DGKZ: variants seen among roughly 807,000 people sequenced by gnomAD.
The protein encoded by DGKZ is DAG kinase zeta.
Under a neutral mutation model 142.5 loss-of-function variants are expected in DGKZ, and 45 were observed. The ratio of observed to expected loss-of-function variants is 0.32; its 90% CI spans 0.25 to 0.40. The LOEUF (loss-of-function observed/expected upper bound fraction) is 0.40, where lower values mean the gene tolerates loss of function less well. DGKZ is among the 10% of genes least tolerant of loss of function. DGKZ has a pLI of 1.00. For synonymous variants in DGKZ, 442 were observed against 527.0 expected, an observed-to-expected ratio of 0.84 and a Z score of 2.21; for missense variants, 755 against 1,306.5, an observed-to-expected ratio of 0.58 and a Z score of 6.51.
At chr11:46,373,467 GTTTTCTTTTTT>G (rs1422257605) in intron 14 of DGKZ, among the ~76,000 whole-genome samples, 1 of 134,726 alleles carries the variant, frequency 7.4e-6, no homozygotes, top group Non-Finnish European at 1.6e-5. Context: ...TTGTTTTTCT[GTTTTCTTTTTT>G]TTTTCTTGTT....
downstream of DGKZ, chr11:46,380,349 C>CA (rs546836484): frequency 9.1e-4 from 148 of 162,178 alleles, 1 homozygote; most frequent in African/African-American, 3.3e-3. Flanking sequence ...GCTCCTGCCC[C>CA]ACCCCACCTC....
intron 1 of DGKZ, among the ~76,000 whole-genome samples, chr11:46,339,547 G>A (rs1940176664): frequency 6.6e-6 from 1 of 152,240 alleles, no homozygotes; most frequent in South Asian, 2.1e-4. Context: ...AGAGGCCAAC[G>A]TGCAGGGATC....
At chr11:46,338,450 C>T (rs571004546) in intron 1 of DGKZ, 2 of 142,698 alleles carry the variant, frequency 1.4e-5, no homozygotes, top group East Asian at 4.1e-4. Context: ...AAGCCAACAT[C>T]GCGCCACTGC....
chr11:46,360,417 T>C (rs1453663062), intron 1 of DGKZ, among the ~76,000 whole-genome samples: 1 of 150,614 alleles, frequency 6.6e-6, no homozygotes, highest in Non-Finnish European at 1.5e-5. Flanking sequence ...TTCAAGTTGC[T>C]GAACACATGG....
chr11:46,361,534 G>A (rs1942651098), intron 1 of DGKZ: 2 of 696,688 alleles, frequency 2.9e-6, no homozygotes, highest in African/African-American at 1.9e-5. Flanking sequence ...TTTCATAACG[G>A]CTGTCTCAGG....
At chr11:46,369,782 T>A in intron 5 of DGKZ, 159 bp from the exon 6 acceptor site, 1 of 911,116 alleles carries the variant, frequency 1.1e-6, no homozygotes, top group Non-Finnish European at 1.7e-6. Flanking sequence ...AGTCTGAGCC[T>A]CCCCCAGGCC....
At chr11:46,368,304 G>A (rs1943557519) in intron 4 of DGKZ, 1 of 616,862 alleles carries the variant, frequency 1.6e-6, no homozygotes, top group Non-Finnish European at 3.0e-6. Context: ...CGCCTAGTGG[G>A]TTCGTTGAAT....
At chr11:46,356,315 C>T (rs961023554) in intron 1 of DGKZ, among the ~76,000 whole-genome samples, 8 of 152,134 alleles carry the variant, frequency 5.3e-5, no homozygotes, top group East Asian at 1.9e-4. Flanking sequence ...AGGAAGTTCT[C>T]GGGAGCTGGC....
chr11:46,378,907 T>A, intron 27 of DGKZ, 84 bp from the exon 28 acceptor site: 1 of 1,485,154 alleles, frequency 6.7e-7, no homozygotes, highest in African/African-American at 1.4e-5. Flanking sequence ...TGTGCTGGTG[T>A]ACCCGGCTGT....
intron 1 of DGKZ, chr11:46,364,553 T>C (rs1374644373): frequency 1.0e-6 from 1 of 985,380 alleles, no homozygotes; most frequent in African/African-American, 1.7e-5. Flanking sequence ...GAAACTCCAA[T>C]AGGCAGAGAC....
upstream of DGKZ, among the ~76,000 whole-genome samples, chr11:46,344,137 A>G (rs1242404594): frequency 1.3e-5 from 2 of 152,074 alleles, no homozygotes; most frequent in Non-Finnish European, 2.9e-5. Flanking sequence ...TTTAGTAGAC[A>G]GGGGGTTTCA....
chr11:46,374,976 C>T (rs1266205930), exon 19 of DGKZ: 2 of 1,612,692 alleles, frequency 1.2e-6, no homozygotes, highest in Admixed American at 1.7e-5. Flanking sequence ...CTGGGGAGCA[C>T]CACGACTTTG....
intron 1 of DGKZ, among the ~76,000 whole-genome samples, chr11:46,354,353 A>G (rs987243806): frequency 6.6e-6 from 1 of 151,848 alleles, no homozygotes; most frequent in Non-Finnish European, 1.5e-5. Context: ...TACCGGGCTC[A>G]TTTTTTCTTT....
intron 1 of DGKZ, chr11:46,361,671 C>A (rs967770474): frequency 1.0e-6 from 1 of 985,450 alleles, no homozygotes; most frequent in African/African-American, 1.7e-5. Context: ...GCCTTGGGGA[C>A]CCCAGCTCCC....
At chr11:46,344,821 T>C (rs1242469023), upstream of DGKZ, among the ~76,000 whole-genome samples, 1 of 152,132 alleles carries the variant, frequency 6.6e-6, no homozygotes, top group Non-Finnish European at 1.5e-5. Context: ...TATTCATTAG[T>C]TTATTTGTTT....
At chr11:46,341,553 A>T (rs1940275564) in intron 1 of DGKZ, among the ~76,000 whole-genome samples, 1 of 152,250 alleles carries the variant, frequency 6.6e-6, no homozygotes, top group Non-Finnish European at 1.5e-5. Flanking sequence ...TGGAACTGTC[A>T]GATCTAGAGC....
chr11:46,339,997 G>A (rs538657217), intron 1 of DGKZ, among the ~76,000 whole-genome samples: 1 of 152,344 alleles, frequency 6.6e-6, no homozygotes, highest in South Asian at 2.1e-4. Context: ...CCTGGAAAAG[G>A]CTAATCAGAG....
intron 1 of DGKZ, chr11:46,338,738 A>G (rs1188342325): frequency 6.6e-6 from 1 of 152,050 alleles, no homozygotes; most frequent in Non-Finnish European, 1.5e-5. Context: ...CTGGGCTCCA[A>G]TTCCAGCCCT....
chr11:46,379,822 C>T lies in DGKZ; in HGVS notation c.2689-9C>T. 1.9e-6 allele frequency: 3 copies of T among 1,605,842 alleles called. No individual in the cohort carries two copies. The highest frequency in any genetic ancestry group is 2.2e-5 in the East Asian group (1 of 44,704). ...GGCCCCTGCTGATCGCAGCTCCGCC[C>T]TCCTCCAGGGCGACACTCCCCGGCA... On this transcript the variant is annotated splice_polypyrimidine_tract_variant and intron_variant, in intron 30 of 30. Coordinates refer to ENST00000527911, the Ensembl canonical transcript of DGKZ.
Sources: gnomAD v4.1 joint callset for allele counts (sites outside exome capture counted in the v4.1 genomes callset) on GRCh38, gnomAD v4.1.1 for gene constraint, MANE v1.5 for transcripts, NCBI Gene and HGNC (gene_info 2026-07-23, HGNC 2026-07-21) for gene names.